UBLCP1: variants seen among roughly 807,000 people sequenced by gnomAD.
UBLCP1 encodes ubiquitin like domain containing CTD phosphatase 1, also known as ubiquitin-like domain-containing CTD phosphatase 1.
UBLCP1 carries 28 observed loss-of-function variants against 42.4 expected under a neutral mutation model. The observed-to-expected ratio is 0.66, with a 90% CI of 0.49 to 0.90. The LOEUF (loss-of-function observed/expected upper bound fraction) is 0.90, where lower values mean the gene tolerates loss of function less well. Among genes scored for constraint, UBLCP1 ranks in the 40% least tolerant of loss-of-function variants. The pLI, the probability that UBLCP1 is intolerant of heterozygous loss-of-function variation, is 0.00. For synonymous variants in UBLCP1, 122 were observed against 120.8 expected (o/e 1.01, Z -0.07); for missense variants, 279 against 374.5 (o/e 0.75, Z 2.10).
At chr5:159,278,597 G>A (rs575449838) in intron 9 of UBLCP1, among the ~76,000 whole-genome samples, 63 of 152,114 alleles carry the variant, frequency 4.1e-4, no homozygotes, top group South Asian at 8.3e-4. Flanking sequence ...TTTTGAGACG[G>A]GATCTCACTC....
chr5:159,276,886 T>A (rs1425814746), intron 8 of UBLCP1, among the ~76,000 whole-genome samples: 1 of 152,210 alleles, frequency 6.6e-6, no homozygotes, highest in Non-Finnish European at 1.5e-5. Context: ...CTGACTAGAT[T>A]ATTGATTTAA....
chr5:159,280,240 AC>A (rs1215019265), intron 9 of UBLCP1, among the ~76,000 whole-genome samples: 1 of 152,050 alleles, frequency 6.6e-6, no homozygotes, highest in Non-Finnish European at 1.5e-5. Flanking sequence ...CTTCATGAAA[AC>A]CTCTTTTAAG....
At chr5:159,272,766 C>T (rs532540728) in intron 6 of UBLCP1, among the ~76,000 whole-genome samples, 1 of 152,282 alleles carries the variant, frequency 6.6e-6, no homozygotes, top group East Asian at 1.9e-4. Context: ...GGTCTGCGGA[C>T]CATTTCAAGA....
intron 1 of UBLCP1, among the ~76,000 whole-genome samples, chr5:159,264,085 T>G (rs1753341987): frequency 6.6e-6 from 1 of 152,218 alleles, no homozygotes; most frequent in South Asian, 2.1e-4. Flanking sequence ...AGGTGTTACT[T>G]CATACCTTAA....
chr5:159,278,182 T>C, intron 8 of UBLCP1, 56 bp from the exon 9 acceptor site: 1 of 1,269,764 alleles, frequency 7.9e-7, no homozygotes, highest in East Asian at 2.3e-5. Flanking sequence ...TTCCTGCTTT[T>C]AAGACAGGAT....
intron 1 of UBLCP1, among the ~76,000 whole-genome samples, chr5:159,267,801 T>C (rs768601240): frequency 2.9e-4 from 44 of 152,188 alleles, no homozygotes; most frequent in Admixed American, 1.6e-3. Flanking sequence ...TCTTCCTCAT[T>C]CTGTCTTGCC....
At chr5:159,278,847 C>T (rs1176585602) in intron 9 of UBLCP1, among the ~76,000 whole-genome samples, 5 of 152,284 alleles carry the variant, frequency 3.3e-5, no homozygotes, top group East Asian at 1.9e-4. Context: ...GCTGGGATTA[C>T]AGGCATGAGC....
At chr5:159,275,281 A>G in intron 8 of UBLCP1, 35 bp downstream of exon 8, 1 of 1,536,736 alleles carries the variant, frequency 6.5e-7, no homozygotes, top group Non-Finnish European at 9.0e-7. Flanking sequence ...TAATGACACC[A>G]TGGTTATTTT....
At chr5:159,275,006 A>G (rs1316736174) in intron 7 of UBLCP1, 142 bp from the exon 8 acceptor site, 5 of 693,894 alleles carry the variant, frequency 7.2e-6, no homozygotes, top group Non-Finnish European at 1.2e-5. Flanking sequence ...GTGAAACTAA[A>G]ATACTTCCTA....
intron 8 of UBLCP1, among the ~76,000 whole-genome samples, chr5:159,276,928 GT>G (rs963111857): frequency 1.3e-5 from 2 of 151,872 alleles, no homozygotes; most frequent in East Asian, 1.9e-4. Context: ...GTATTTTCAT[GT>G]TTTTTTTCTG....
chr5:159,278,376 T>C (rs1278459198), intron 9 of UBLCP1, 22 bp downstream of exon 9: 1 of 1,495,088 alleles, frequency 6.7e-7, no homozygotes. Context: ...TTTTACTTGT[T>C]ATGTGCTCAT....
chr5:159,277,881 G>A (rs1228129847), intron 8 of UBLCP1, among the ~76,000 whole-genome samples: 1 of 152,042 alleles, frequency 6.6e-6, no homozygotes, highest in Non-Finnish European at 1.5e-5. Flanking sequence ...GCTCTGAGAA[G>A]GAATGTGTTA....
intron 6 of UBLCP1, among the ~76,000 whole-genome samples, chr5:159,272,450 C>T (rs544524499): frequency 1.5e-4 from 22 of 151,290 alleles, no homozygotes; most frequent in Non-Finnish European, 1.5e-4. Context: ...TTTAGGGTCT[C>T]GCTGTGTTGC....
intron 1 of UBLCP1, among the ~76,000 whole-genome samples, chr5:159,266,702 G>C (rs1314411759): frequency 6.6e-6 from 1 of 152,296 alleles, no homozygotes; most frequent in South Asian, 2.1e-4. Flanking sequence ...CCGGCCCAGG[G>C]TCCCCGCGCT....
At chr5:159,279,080 C>T (rs17056640) in intron 9 of UBLCP1, among the ~76,000 whole-genome samples, 15,799 of 152,186 alleles carry the variant, frequency 0.1, 858 homozygotes, top group Middle Eastern at 0.17. Context: ...AATTCCTAGA[C>T]GGCAAGTACA....
Position 159,285,229 on chromosome 5 carries a change from C to T in UBLCP1, c.*298C>T, listed in dbSNP as rs1035242389. On this transcript the variant is annotated 3_prime_UTR_variant, in exon 11 of 11. Transcript: ENST00000296786. ...ACACACACACACACACACACACACA[C>T]ACACACACACACACAAAGTGGAGAA... 20 of 262,384 alleles carry T rather than the reference C, an allele frequency of 7.6e-5. 2 individuals are homozygous for T. In the South Asian group the frequency reaches 8.3e-4, roughly 11 times the overall value. 16.3% of individuals were successfully genotyped at this position (262,384 alleles called of 1,614,324 possible).
intron 1 of UBLCP1, among the ~76,000 whole-genome samples, chr5:159,268,482 G>A (rs1192694817): frequency 6.6e-6 from 1 of 152,180 alleles, no homozygotes; most frequent in African/African-American, 2.4e-5. Flanking sequence ...CAGGTCATCT[G>A]GCTCTAGAAT....
chr5:159,268,848 T>A, intron 1 of UBLCP1, 22 bp from the exon 2 acceptor site: 1 of 1,539,300 alleles, frequency 6.5e-7, no homozygotes. Context: ...TTTAACTTGT[T>A]CATTTTTGTC....
chr5:159,271,287 C>T (rs1411161339), intron 5 of UBLCP1, among the ~76,000 whole-genome samples: 2 of 151,464 alleles, frequency 1.3e-5, no homozygotes, highest in East Asian at 1.9e-4. Context: ...AGAGCAAGAC[C>T]TCATCTCTAA....
Sources: gnomAD v4.1 joint callset for allele counts (sites outside exome capture counted in the v4.1 genomes callset) on GRCh38, gnomAD v4.1.1 for gene constraint, MANE v1.5 for transcripts, NCBI Gene and HGNC (gene_info 2026-07-23, HGNC 2026-07-21) for gene names.